Variants in MYO3B observed in about 807,000 individuals in gnomAD.
MYO3B encodes the protein myosin IIIB, also known as myosin-IIIb.
In MYO3B, 156 loss-of-function variants were observed where a neutral mutation model predicts 174.6. That is an observed-to-expected ratio of 0.89 (90% CI 0.78 to 1.02). MYO3B has a LOEUF of 1.02. Ranked by LOEUF, MYO3B falls within the 50% of genes least tolerant of loss-of-function variation. The pLI is 0.00. For missense variants in MYO3B, 1,632 were observed against 1,639.4 expected (o/e 1.00, Z 0.08); for synonymous variants, 563 against 569.1 (o/e 0.99, Z 0.15).
At chr2:170,586,775 C>G (rs1197087956) in intron 32 of MYO3B, among the ~76,000 whole-genome samples, 4 of 152,240 alleles carry the variant, frequency 2.6e-5, no homozygotes, top group African/African-American at 9.6e-5. Flanking sequence ...ATTTTAATTA[C>G]TGATGGCTGG....
chr2:170,233,601 A>G lies in MYO3B; in HGVS notation c.604-2390A>G, dbSNP rs747902064. ...TGTTTGAACTTCAGTTTGAATGTAC[A>G]TTTGAAAATAACGTGTTAAAAGTAT... On this transcript the variant is annotated intron_variant, in intron 6 of 34. Coordinates refer to ENST00000408978, the MANE Select transcript of MYO3B (RefSeq NM_138995.5). Among the ~76,000 whole-genome samples the G allele has an allele frequency of 9.8e-5, 15 of 152,330 alleles. 1 individual carries two copies. Among genetic ancestry groups the G allele is most frequent in the South Asian group, 8.3e-4 (4 of 4,830 alleles).
intron 8 of MYO3B, among the ~76,000 whole-genome samples, chr2:170,363,789 C>T (rs565317641): frequency 1.1e-4 from 16 of 152,222 alleles, no homozygotes; most frequent in African/African-American, 3.9e-4. Context: ...CCATCATGGC[C>T]TTATTTCCAG....
chr2:170,425,760 A>G (rs2094655759), intron 22 of MYO3B, among the ~76,000 whole-genome samples: 1 of 152,192 alleles, frequency 6.6e-6, no homozygotes, highest in Non-Finnish European at 1.5e-5. Context: ...CTTGCATAAG[A>G]TCAAAATCCC....
chr2:170,344,903 A>T (rs1004732328), intron 8 of MYO3B: 1 of 152,212 alleles, frequency 6.6e-6, no homozygotes, highest in African/African-American at 2.4e-5. Flanking sequence ...AGCTGTCAGG[A>T]TCCCTCTGAA....
At chr2:170,298,052 T>C (rs971825264) in intron 7 of MYO3B, among the ~76,000 whole-genome samples, 2 of 152,242 alleles carry the variant, frequency 1.3e-5, no homozygotes, top group East Asian at 3.8e-4. Flanking sequence ...GTGTATATTT[T>C]TATATATGTG....
At chr2:170,613,984 C>T (rs967276932) in intron 32 of MYO3B, among the ~76,000 whole-genome samples, 1 of 152,122 alleles carries the variant, frequency 6.6e-6, no homozygotes, top group Non-Finnish European at 1.5e-5. Context: ...AGTTCTGTCC[C>T]TCTAGAGAAC....
At chr2:170,573,158 T>C (rs1156432622) in intron 32 of MYO3B, among the ~76,000 whole-genome samples, 1 of 151,482 alleles carries the variant, frequency 6.6e-6, no homozygotes, top group African/African-American at 2.4e-5. Context: ...GGATACTATA[T>C]ATATATATAC....
At chr2:170,526,023 G>T (rs1324168080) in intron 30 of MYO3B, among the ~76,000 whole-genome samples, 1 of 152,172 alleles carries the variant, frequency 6.6e-6, no homozygotes, top group African/African-American at 2.4e-5. Context: ...TGGGAGTGGT[G>T]GTAGGAATAG....
chr2:170,519,447 G>C lies in MYO3B; in HGVS notation c.3482G>C (p.Gly1161Ala). Reference protein sequence around the residue: ...SEPGDHKVLRGSVHRRSHSQA... With the variant: ...SEPGDHKVLRASVHRRSHSQA... Reference sequence around the variant, plus strand: ...CTTTCTTTTCTCTCAGTTCTCAGGGGCTCTGTACATCGTAGGAGCCATTCA... The same window carrying C: ...CTTTCTTTTCTCTCAGTTCTCAGGGCCTCTGTACATCGTAGGAGCCATTCA... The change falls in exon 30 of 35, where the codon GGC becomes GCC. Residue 1161 changes from glycine to alanine, a missense_variant. Physicochemically the swap from Gly to Ala is moderately conservative, Grantham distance 60. Coordinates refer to ENST00000408978, the MANE Select transcript of MYO3B (RefSeq NM_138995.5). The C allele has an allele frequency of 6.2e-7, 1 of 1,613,488 alleles. No homozygotes were observed. The highest frequency in any genetic ancestry group is 8.5e-7 in the Non-Finnish European group (1 of 1,179,778).
chr2:170,490,546 A>C (rs1427098192), intron 25 of MYO3B, among the ~76,000 whole-genome samples: 3 of 149,332 alleles, frequency 2.0e-5, no homozygotes, highest in Non-Finnish European at 4.5e-5. Context: ...TTTTTGTCTT[A>C]TTGTGCTGGA....
At chr2:170,336,154 C>T (rs182078850) in intron 8 of MYO3B, among the ~76,000 whole-genome samples, 2 of 151,900 alleles carry the variant, frequency 1.3e-5, no homozygotes, top group African/African-American at 2.4e-5. Flanking sequence ...GAGGAGGTTA[C>T]AGGGCCCCAA....
chr2:170,333,503 C>A (rs867798064), intron 7 of MYO3B, among the ~76,000 whole-genome samples: 5 of 152,160 alleles, frequency 3.3e-5, no homozygotes, highest in Admixed American at 2.6e-4. Context: ...GTATGCAGAA[C>A]AGATAAATCA....
At chr2:170,452,572 A>C (rs1172112700) in intron 23 of MYO3B, among the ~76,000 whole-genome samples, 3 of 152,190 alleles carry the variant, frequency 2.0e-5, no homozygotes, top group Non-Finnish European at 4.4e-5. Flanking sequence ...TTTTAAAAAA[A>C]CTTTTAAAAT....
intron 8 of MYO3B, chr2:170,341,414 A>G (rs1371949188): frequency 1.3e-5 from 2 of 152,244 alleles, no homozygotes; most frequent in African/African-American, 2.4e-5. Flanking sequence ...GAGGCCATGC[A>G]AAGGGTTAAT....
At chr2:170,215,719 G>A (rs1156882903) in intron 5 of MYO3B, among the ~76,000 whole-genome samples, 1 of 152,196 alleles carries the variant, frequency 6.6e-6, no homozygotes, top group Non-Finnish European at 1.5e-5. Flanking sequence ...AAGAAAAATA[G>A]CAGAGGGAGC....
intron 7 of MYO3B, among the ~76,000 whole-genome samples, chr2:170,287,458 T>G (rs2093564933): frequency 6.6e-6 from 1 of 152,100 alleles, no homozygotes; most frequent in Non-Finnish European, 1.5e-5. Context: ...ATTGTGGTTT[T>G]GATTTGCATT....
At chr2:170,622,447 A>C (rs181209615) in intron 32 of MYO3B, among the ~76,000 whole-genome samples, 96 of 152,346 alleles carry the variant, frequency 6.3e-4, no homozygotes, top group African/African-American at 2.2e-3. Context: ...AAAACAATAC[A>C]AAAGGAATAC....
chr2:170,378,489 T>C (rs1020449357), intron 9 of MYO3B, among the ~76,000 whole-genome samples: 6 of 152,242 alleles, frequency 3.9e-5, no homozygotes, highest in African/African-American at 1.4e-4. Flanking sequence ...TTGCTACTAA[T>C]AGCAGTTAAA....
In MYO3B at chr2:170,548,623, C is replaced by A. The variant is rs576124605; in HGVS notation, c.3733+4635C>A. 3.9e-5 allele frequency among the ~76,000 whole-genome samples: 6 copies of A among 152,264 alleles called. No homozygotes were observed. In the South Asian group the frequency reaches 1.2e-3, roughly 32 times the overall value. ...AGACATCATCAAGAAATGAGATAGTCTGTGTAAGTACATTTTCTCTACAGC... is the reference window on the plus strand; with the variant it reads ...AGACATCATCAAGAAATGAGATAGTATGTGTAAGTACATTTTCTCTACAGC... On this transcript the variant is annotated intron_variant, in intron 32 of 34. Coordinates refer to ENST00000408978, the MANE Select transcript of MYO3B (RefSeq NM_138995.5).
Sources: allele counts gnomAD v4.1 joint callset (sites outside exome capture counted in the v4.1 genomes callset), GRCh38; gene constraint gnomAD v4.1.1; transcripts MANE v1.5; gene names NCBI Gene and HGNC (gene_info 2026-07-23, HGNC 2026-07-21).